The following PLXNC1 variants were observed in gnomAD, a reference collection of about 807,000 sequenced individuals.
PLXNC1 encodes the protein plexin-C1.
In PLXNC1, 75 loss-of-function variants were observed where a neutral mutation model predicts 178.2. That is an observed-to-expected ratio of 0.42 (90% CI 0.35 to 0.51). PLXNC1 has a LOEUF of 0.51. PLXNC1 is among the 20% of genes least tolerant of loss of function. The pLI, the probability that PLXNC1 is intolerant of heterozygous loss-of-function variation, is 0.02. For synonymous variants in PLXNC1, 790 were observed against 779.9 expected (o/e 1.01, Z -0.22); for missense variants, 1,503 against 1,984.4 (o/e 0.76, Z 4.61).
At chr12:94,170,535 G>A (rs1470773943) in intron 2 of PLXNC1, among the ~76,000 whole-genome samples, 1 of 152,118 alleles carries the variant, frequency 6.6e-6, no homozygotes, top group African/African-American at 2.4e-5. Context: ...TAGGCCTGGA[G>A]TGACCTTGCT....
At chr12:94,224,172 A>G in intron 6 of PLXNC1, 56 bp from the exon 7 acceptor site, 1 of 1,002,504 alleles carries the variant, frequency 1.0e-6, no homozygotes, top group South Asian at 1.3e-5. Flanking sequence ...ATTTACAGCT[A>G]TGCTTGACTA....
Position 94,306,829 on chromosome 12 carries a change from T to A in PLXNC1, c.*1544T>A, listed in dbSNP as rs186781783. 6.6e-6 allele frequency: 1 copy of A among 152,318 alleles called. No homozygotes were observed. 9.4% of individuals were successfully genotyped at this position (152,318 alleles called of 1,614,324 possible). A position where few individuals can be genotyped will look rare whatever the true frequency, so the allele number is the denominator to read the frequency against. On this transcript the variant is annotated 3_prime_UTR_variant, in exon 31 of 31. Transcript: ENST00000258526. ...AGAAAATAAGCAGTTACTACCCTGA[T>A]AGGCACCTTCCCAATCCTGTTGCTT...
At chr12:94,225,195 G>T (rs371879858) in intron 7 of PLXNC1, among the ~76,000 whole-genome samples, 1 of 152,270 alleles carries the variant, frequency 6.6e-6, no homozygotes, top group South Asian at 2.1e-4. Context: ...TGGAAGTTGG[G>T]ATGGAGGCCT....
chr12:94,227,215 A>G lies in PLXNC1; in HGVS notation c.1960A>G (p.Arg654Gly), dbSNP rs147547777. Reference protein sequence around the residue: ...GGRPKENKGNRTNQALQVFYI... With the variant: ...GGRPKENKGNGTNQALQVFYI... ...AAGACCCAAGGAGAACAAGGGGAAC[A>G]GAACCAACCAGGCTTTACAGGTCAG... Residue 654 changes from arginine to glycine, a missense_variant, in exon 9 of 31, where the codon AGA (arginine) becomes GGA (glycine). This residue lies in a region of PLXNC1 where 615 missense variants were observed against 698.6 expected (regional missense o/e 0.88). Coordinates refer to ENST00000258526, the MANE Select transcript of PLXNC1 (RefSeq NM_005761.3). The G allele has an allele frequency of 2.6e-5, 42 of 1,610,762 alleles. No homozygotes were observed. The African/African-American group carries it at 4.7e-4, about 18-fold the overall frequency.
intron 9 of PLXNC1, among the ~76,000 whole-genome samples, chr12:94,229,160 T>A (rs774934940): frequency 2.3e-4 from 35 of 152,198 alleles, no homozygotes; most frequent in Non-Finnish European, 4.3e-4. Flanking sequence ...TGATTAATGA[T>A]GTTGAGCATC....
chr12:94,302,180 GT>G (rs777610843), intron 28 of PLXNC1, among the ~76,000 whole-genome samples: 27 of 152,274 alleles, frequency 1.8e-4, no homozygotes, highest in South Asian at 6.2e-4. Context: ...GTGCCACATA[GT>G]GCTTCCTGAT....
intron 22 of PLXNC1, 164 bp from the exon 23 acceptor site, chr12:94,282,125 CAAACAAAGT>C (rs1966482376): frequency 1.5e-5 from 8 of 526,104 alleles, no homozygotes; most frequent in Admixed American, 1.1e-4. Context: ...CCTAAACAAA[CAAACAAAGT>C]AAAACAGAAC....
intron 4 of PLXNC1, among the ~76,000 whole-genome samples, chr12:94,188,150 G>T (rs762919835): frequency 2.0e-5 from 3 of 151,958 alleles, no homozygotes; most frequent in Non-Finnish European, 4.4e-5. Flanking sequence ...GTGACAATGG[G>T]TGACTGCTGG....
intron 9 of PLXNC1, among the ~76,000 whole-genome samples, chr12:94,231,522 G>T (rs188938740): frequency 5.3e-5 from 8 of 152,062 alleles, no homozygotes; most frequent in African/African-American, 1.9e-4. Flanking sequence ...CTAATCCAAG[G>T]ATCTGGTACT....
intron 27 of PLXNC1, among the ~76,000 whole-genome samples, chr12:94,299,083 G>A (rs1420434715): frequency 6.6e-6 from 1 of 152,158 alleles, no homozygotes; most frequent in Non-Finnish European, 1.5e-5. Flanking sequence ...TAAAGAATGA[G>A]AAATTAACAT....
At chr12:94,292,816 A>C (rs1048352563) in intron 23 of PLXNC1, among the ~76,000 whole-genome samples, 3 of 152,244 alleles carry the variant, frequency 2.0e-5, no homozygotes, top group Non-Finnish European at 1.5e-5. Flanking sequence ...GTTAGCACCC[A>C]CAACGTTTCA....
intron 22 of PLXNC1, among the ~76,000 whole-genome samples, chr12:94,280,603 G>A (rs1390665588): frequency 6.6e-6 from 1 of 152,074 alleles, no homozygotes. Flanking sequence ...TCCTTCCTTG[G>A]GTGACCGTTG....
chr12:94,177,093 A>ATATATATATGTGTGTGTG lies in PLXNC1; in HGVS notation c.1204-4345_1204-4328dup, dbSNP rs1962083443. 1.4e-5 allele frequency among the ~76,000 whole-genome samples: 2 copies of ATATATATATGTGTGTGTG among 142,144 alleles called. 1 individual carries two copies. Among genetic ancestry groups the ATATATATATGTGTGTGTG allele is most frequent in the South Asian group, 4.4e-4 (2 of 4,592 alleles). 93.3% of individuals were successfully genotyped at this position (142,144 alleles called of 152,430 possible). A position where few individuals can be genotyped will look rare whatever the true frequency, so the allele number is the denominator to read the frequency against. On this transcript the variant is annotated intron_variant, in intron 2 of 30. Coordinates refer to ENST00000258526, the MANE Select transcript of PLXNC1 (RefSeq NM_005761.3). ...TGTGTGTGTGTATATATATATGTGT[A>ATATATATATGTGTGTGTG]TATATATATGTGTGTGTGTATATAT...
intron 1 of PLXNC1, among the ~76,000 whole-genome samples, chr12:94,151,316 C>G (rs1421070610): frequency 2.0e-5 from 3 of 152,006 alleles, no homozygotes; most frequent in African/African-American, 2.4e-5. Flanking sequence ...GCCCTATGAG[C>G]CAGGGAGAAA....
intron 1 of PLXNC1, 137 bp downstream of exon 1, chr12:94,150,170 CCGCGGGCGGCCGTCCGAAGGCTCCT>C (rs1960904120): frequency 1.4e-6 from 1 of 710,648 alleles, no homozygotes; most frequent in Non-Finnish European, 2.2e-6. Flanking sequence ...CAGGTTCACA[CCGCGGGCGGCCGTCCGAAGGCTCCT>C]CTCGGACGGT....
At position 94,220,166 on chromosome 12, in the gene PLXNC1, A is replaced by G; in HGVS notation, c.1702+3A>G. On this transcript the variant is annotated splice_donor_region_variant and intron_variant, in intron 6 of 30. Transcript: ENST00000258526. The stretch of plus-strand genomic sequence containing the variant: ...CCCAACCAGAGCAACCTACAAAGGT[A>G]TGTGGATTCTTCTGGGTTATTTTTG... 6.2e-7 allele frequency: 1 copy of G among 1,611,338 alleles called. No homozygotes were observed. Among genetic ancestry groups the G allele is most frequent in the Non-Finnish European group, 8.5e-7 (1 of 1,178,720 alleles).
chr12:94,293,185 GTTTTA>G (rs1027713613), intron 23 of PLXNC1, among the ~76,000 whole-genome samples: 1 of 152,040 alleles, frequency 6.6e-6, no homozygotes, highest in Non-Finnish European at 1.5e-5. Flanking sequence ...CATTTTCATT[GTTTTA>G]TAAACTGTTG....
intron 12 of PLXNC1, among the ~76,000 whole-genome samples, chr12:94,244,277 A>G (rs1293936140): frequency 6.6e-6 from 1 of 152,202 alleles, no homozygotes; most frequent in Non-Finnish European, 1.5e-5. Context: ...TTTTCTTTTT[A>G]TGTGATTTGT....
chr12:94,197,283 T>C (rs1172576513), intron 4 of PLXNC1, among the ~76,000 whole-genome samples: 10 of 152,214 alleles, frequency 6.6e-5, no homozygotes, highest in Admixed American at 6.5e-4. Flanking sequence ...TGCAACAGTT[T>C]TGAGAGGTGG....
Sources: gnomAD v4.1 joint callset for allele counts (sites outside exome capture counted in the v4.1 genomes callset) on GRCh38, gnomAD v4.1.1 for gene constraint, gnomAD v4.1.1 regional missense constraint, MANE v1.5 for transcripts, NCBI Gene and HGNC (gene_info 2026-07-23, HGNC 2026-07-21) for gene names.